TASOR2: variants seen among roughly 807,000 people sequenced by gnomAD.
TASOR2 encodes transcription activation suppressor family member 2, also known as protein TASOR 2.
A neutral mutation model predicts 199.5 loss-of-function variants in TASOR2; 84 were observed. The ratio of observed to expected loss-of-function variants is 0.42; its 90% CI spans 0.35 to 0.50. The LOEUF (loss-of-function observed/expected upper bound fraction) is 0.50, where lower values mean the gene tolerates loss of function less well. Among genes scored for constraint, TASOR2 ranks in the 20% least tolerant of loss-of-function variants. The pLI is 0.02. For missense variants in TASOR2, 2,796 were observed against 2,835.9 expected (o/e 0.99, Z 0.32); for synonymous variants, 1,103 against 1,046.6 (o/e 1.05, Z -1.04).
chr10:5,721,535 C>A (rs938409078), intron 6 of TASOR2, among the ~76,000 whole-genome samples: 2 of 151,774 alleles, frequency 1.3e-5, no homozygotes, highest in Non-Finnish European at 2.9e-5. Context: ...TGTGAGGATT[C>A]ATTTTTTTTT....
chr10:5,739,799 C>A, exon 13 of TASOR2: 1 of 1,614,204 alleles, frequency 6.2e-7, no homozygotes, highest in Non-Finnish European at 8.5e-7. Flanking sequence ...TAGCATTAAG[C>A]TCTGCTACTT....
In TASOR2 at chr10:5,722,023, A is replaced by G. The variant is rs1403801319; in HGVS notation, c.146+1053A>G. Among the ~76,000 whole-genome samples, 1 of 152,230 alleles carries G rather than the reference A, an allele frequency of 6.6e-6. No individual in the cohort carries two copies. The highest frequency in any genetic ancestry group is 1.5e-5 in the Non-Finnish European group (1 of 68,042). Reference sequence around the variant, plus strand: ...TACTGAATGCATTGTGGCATCTTGGATTGGAAATTGTTTTCTTTTTTTGTG... The same window carrying G: ...TACTGAATGCATTGTGGCATCTTGGGTTGGAAATTGTTTTCTTTTTTTGTG... On this transcript the variant is annotated intron_variant, in intron 6 of 20. Transcript: ENST00000328090. This position sits in a 1 kb window ranked among gnomAD's most constrained non-coding sequence, Gnocchi z 4.0.
chr10:5,743,797 C>G (rs1158656134), intron 14 of TASOR2: 3 of 152,168 alleles, frequency 2.0e-5, no homozygotes, highest in African/African-American at 7.2e-5. Flanking sequence ...TTTGGCAAGC[C>G]TGACTGTTCA....
At chr10:5,761,153 C>T in intron 18 of TASOR2, 137 bp from the exon 20 acceptor site, 1 of 687,210 alleles carries the variant, frequency 1.5e-6, no homozygotes, top group South Asian at 2.0e-5. Flanking sequence ...TTTGAGGTAA[C>T]CAAAGTGTGT....
intron 8 of TASOR2, among the ~76,000 whole-genome samples, chr10:5,725,445 A>G (rs1206291503): frequency 6.8e-6 from 1 of 147,028 alleles, no homozygotes; most frequent in Non-Finnish European, 1.5e-5. Flanking sequence ...ACTGGGCAGG[A>G]GGGGCAAGAA....
intron 2 of TASOR2, chr10:5,714,504 G>A (rs1214407116): frequency 4.3e-6 from 1 of 234,730 alleles, no homozygotes; most frequent in Admixed American, 5.6e-5. Flanking sequence ...GAATGTGAGG[G>A]GTAAGAGAGG....
intron 17 of TASOR2, among the ~76,000 whole-genome samples, chr10:5,758,529 C>A (rs913493554): frequency 6.6e-6 from 1 of 151,972 alleles, no homozygotes; most frequent in Non-Finnish European, 1.5e-5. Context: ...CAGCCGAAAC[C>A]CTGTCTCAAA....
intron 19 of TASOR2, chr10:5,761,689 T>C: frequency 1.8e-6 from 1 of 546,866 alleles, no homozygotes; most frequent in Non-Finnish European, 3.3e-6. Context: ...CAGTTCTAGA[T>C]TACTTATAAT....
rs571681364 is a variant in TASOR2 at position 5,758,430 on chromosome 10, A to G, written c.6887-457A>G. ...GTAGTGTGTGCCTGTAGTCCCAGCT[A>G]AGGAGACTAAGGATGGAGGATTACT... On this transcript the variant is annotated intron_variant, in intron 17 of 20. Transcript: ENST00000328090. Among the ~76,000 whole-genome samples the G allele has an allele frequency of 2.0e-5, 3 of 152,232 alleles. No individual in the cohort carries two copies. The South Asian group carries it at 6.2e-4, about 32-fold the overall frequency.
chr10:5,757,929 G>A (rs909347438), intron 17 of TASOR2, among the ~76,000 whole-genome samples: 2 of 151,946 alleles, frequency 1.3e-5, no homozygotes, highest in Non-Finnish European at 2.9e-5. Flanking sequence ...GTGCAGCTAA[G>A]CTCCTAGTAA....
chr10:5,725,795 T>C (rs1023109152), intron 8 of TASOR2, among the ~76,000 whole-genome samples: 1 of 151,960 alleles, frequency 6.6e-6, no homozygotes, highest in Non-Finnish European at 1.5e-5. Flanking sequence ...AGAAATAGGC[T>C]CTTAAATCAT....
In TASOR2 at chr10:5,751,746, G is replaced by A. The variant is rs904349346; in HGVS notation, c.6606+1719G>A. ...TAGGCACTGCGTGAATGAACTCAGT[G>A]TCACTTGGTGTCTTTGCTTCTAGGT... On this transcript the variant is annotated intron_variant, in intron 15 of 20. Coordinates refer to ENST00000328090, the Ensembl canonical transcript of TASOR2. The surrounding 1 kb of genome is among the most constrained non-coding windows in gnomAD (Gnocchi z 5.3). Among the ~76,000 whole-genome samples, 106 of 152,320 alleles carry A rather than the reference G, an allele frequency of 7.0e-4. No individual in the cohort carries two copies. The highest frequency in any genetic ancestry group is 2.4e-3 in the African/African-American group (98 of 41,568).
rs1479337459 is a variant in TASOR2, at chr10:5,720,429, G to A, written c.-99-115G>A. ...TTACCTGTGAATGAGTAACACCCAA[G>A]ATATATTTCTGACTCTAATGTGTTA... On this transcript the variant is annotated intron_variant, in intron 3 of 20. Coordinates refer to ENST00000328090, the Ensembl canonical transcript of TASOR2. The surrounding 1 kb of genome is among the most constrained non-coding windows in gnomAD (Gnocchi z 5.3). 1 of 1,410,848 alleles carries A rather than the reference G, an allele frequency of 7.1e-7. No homozygotes were observed. The allele number at this position is 1,410,848 out of a possible 1,614,324, so 87.4% of individuals were successfully genotyped here.
chr10:5,762,675 A>C, intron 20 of TASOR2, 29 bp downstream of exon 21: 2 of 1,009,390 alleles, frequency 2.0e-6, no homozygotes, highest in Non-Finnish European at 3.0e-6. Flanking sequence ...TAACTTTCCC[A>C]TGTGAGTTGG....
chr10:5,689,411 C>A lies in TASOR2; in HGVS notation c.-288+4236C>A, dbSNP rs556697067. On this transcript the variant is annotated intron_variant, in intron 1 of 20. Transcript: ENST00000328090. This position sits in a 1 kb window ranked among gnomAD's most constrained non-coding sequence, Gnocchi z 4.1. ...GGTCAGGAGTTCAAGACCAGCCTGA[C>A]CAATATGGTGAAACTCTGTCTCTAC... Among the ~76,000 whole-genome samples, 92 of 152,252 alleles carry A rather than the reference C, an allele frequency of 6.0e-4. 1 individual carries two copies. The South Asian group carries it at 0.018, about 30-fold the overall frequency.
exon 15 of TASOR2, chr10:5,747,547 T>G: frequency 6.2e-7 from 1 of 1,614,094 alleles, no homozygotes; most frequent in Non-Finnish European, 8.5e-7. Context: ...TAAAGAAAAT[T>G]GCACCCTTGA....
Position 5,690,663 on chromosome 10 carries a change from G to C in TASOR2, c.-288+5488G>C, listed in dbSNP as rs138345337. Among the ~76,000 whole-genome samples, 10 of 152,290 alleles carry C rather than the reference G, an allele frequency of 6.6e-5. No homozygotes were observed. The highest frequency in any genetic ancestry group is 1.9e-4 in the African/African-American group (8 of 41,548). On this transcript the variant is annotated intron_variant, in intron 1 of 20. Coordinates refer to ENST00000328090, the Ensembl canonical transcript of TASOR2. This position sits in a 1 kb window ranked among gnomAD's most constrained non-coding sequence, Gnocchi z 4.8. ...TCTTGAAATATAATTGTTTCTGAGAGGAACTTATTCTCAGGATATTTTTGT... is the reference window on the plus strand; with the variant it reads ...TCTTGAAATATAATTGTTTCTGAGACGAACTTATTCTCAGGATATTTTTGT...
chr10:5,728,493 G>C (rs1437469048), intron 10 of TASOR2, among the ~76,000 whole-genome samples: 1 of 151,894 alleles, frequency 6.6e-6, no homozygotes, highest in Non-Finnish European at 1.5e-5. Flanking sequence ...AAAATTAGCT[G>C]GGCTTGGTGG....
At position 5,750,869 on chromosome 10, in the gene TASOR2, C is replaced by G. The variant is rs753643988; in HGVS notation, c.6606+842C>G. Among the ~76,000 whole-genome samples, 13 of 152,220 alleles carry G rather than the reference C, an allele frequency of 8.5e-5. No individual in the cohort carries two copies. The highest frequency in any genetic ancestry group is 1.0e-4 in the Non-Finnish European group (7 of 68,034). ...AAGTGACCATCTCCATTAACCTCAT[C>G]TAGGTCTAGGATCATAGGTGTCTAG... On this transcript the variant is annotated intron_variant, in intron 15 of 20. Coordinates refer to ENST00000328090, the Ensembl canonical transcript of TASOR2. This position sits in a 1 kb window ranked among gnomAD's most constrained non-coding sequence, Gnocchi z 5.4.
Sources: gnomAD v4.1 joint callset for allele counts (sites outside exome capture counted in the v4.1 genomes callset) on GRCh38, gnomAD v4.1.1 for gene constraint, Gnocchi (gnomAD v3.1) non-coding constraint, MANE v1.5 for transcripts, NCBI Gene and HGNC (gene_info 2026-07-23, HGNC 2026-07-21) for gene names.